SDK1: variants seen among roughly 807,000 people sequenced by gnomAD.
SDK1 encodes the protein sidekick cell adhesion molecule 1, also known as protein sidekick-1.
SDK1 carries 157 observed loss-of-function variants against 245.5 expected under a neutral mutation model. The observed-to-expected ratio is 0.64, with a 90% CI of 0.56 to 0.73. SDK1 has a LOEUF of 0.73. SDK1 is among the 30% of genes least tolerant of loss of function. The pLI, the probability that SDK1 is intolerant of heterozygous loss-of-function variation, is 0.00. For missense variants in SDK1, 3,583 were observed against 3,002.3 expected (o/e 1.19, Z -4.52); for synonymous variants, 1,647 against 1,278.5 (o/e 1.29, Z -6.15).
At chr7:3,433,132 T>A (rs1328641076) in intron 1 of SDK1, among the ~76,000 whole-genome samples, 1 of 152,206 alleles carries the variant, frequency 6.6e-6, no homozygotes, top group Non-Finnish European at 1.5e-5. Context: ...ACCAGTGGAT[T>A]CTAAGTGTGA....
chr7:4,080,672 C>T (rs528180095), intron 22 of SDK1, among the ~76,000 whole-genome samples: 14 of 152,160 alleles, frequency 9.2e-5, no homozygotes, highest in African/African-American at 3.1e-4. Context: ...AGCAGTAGAG[C>T]CCTACCTCAC....
chr7:4,157,678 A>C (rs1780853806), intron 30 of SDK1, among the ~76,000 whole-genome samples: 1 of 152,160 alleles, frequency 6.6e-6, no homozygotes, highest in Non-Finnish European at 1.5e-5. Flanking sequence ...GGTCTTTTGT[A>C]AAGTGACATG....
At position 3,762,512 on chromosome 7, in the gene SDK1, C is replaced by T. The variant is rs186785814; in HGVS notation, c.714-58938C>T. 3.5e-3 allele frequency among the ~76,000 whole-genome samples: 531 copies of T among 152,334 alleles called. 4 individuals are homozygous for T. Among genetic ancestry groups the T allele is most frequent in the South Asian group, 0.016 (78 of 4,822 alleles). On this transcript the variant is annotated intron_variant, in intron 4 of 44. Transcript: ENST00000404826. Reference sequence around the variant, plus strand: ...TATTTTTAACTTTCACCGATACTTGCTGCAAATGCAATTACTGAGTAAATT... The same window carrying T: ...TATTTTTAACTTTCACCGATACTTGTTGCAAATGCAATTACTGAGTAAATT...
At chr7:3,499,524 G>A (rs868343846) in intron 1 of SDK1, among the ~76,000 whole-genome samples, 1 of 152,132 alleles carries the variant, frequency 6.6e-6, no homozygotes, top group African/African-American at 2.4e-5. Context: ...CATTGTTTCC[G>A]TCTCTCTCAG....
intron 5 of SDK1, among the ~76,000 whole-genome samples, chr7:3,904,466 G>C (rs1166717022): frequency 6.6e-6 from 1 of 152,116 alleles, no homozygotes; most frequent in Non-Finnish European, 1.5e-5. Context: ...GGCTGAGGTG[G>C]GAGGATCGCT....
At position 3,639,014 on chromosome 7, in the gene SDK1, C is replaced by A. The variant is rs1046968638; in HGVS notation, c.469C>A (p.Pro157Thr). The change falls in exon 3 of 45, where the codon CCA becomes ACA. Residue 157 changes from proline (P) to threonine (T), a missense_variant. Transcript: ENST00000404826. Reference sequence around the variant, plus strand: ...TTTGCTATTCAACAGGTACATTATTCCATCTTTGCAGAAGCTCGATGCTGG... The same window carrying A: ...TTTGCTATTCAACAGGTACATTATTACATCTTTGCAGAAGCTCGATGCTGG... ...TYSSEYKYII[P>T]SLQKLDAGFY... is the part of the protein sequence containing the mutation. 3 of 1,596,628 alleles carry A rather than the reference C, an allele frequency of 1.9e-6. No homozygotes were observed. In the African/African-American group the frequency reaches 4.0e-5, roughly 21 times the overall value.
chr7:3,370,787 A>G (rs1003294231), intron 1 of SDK1, among the ~76,000 whole-genome samples: 2 of 152,194 alleles, frequency 1.3e-5, no homozygotes, highest in Non-Finnish European at 2.9e-5. Context: ...ATTCATGTAC[A>G]CAGTGTGCAT....
chr7:4,252,867 T>G (rs1044471204), intron 44 of SDK1, among the ~76,000 whole-genome samples: 4 of 150,956 alleles, frequency 2.6e-5, no homozygotes, highest in Non-Finnish European at 5.9e-5. Flanking sequence ...TGTCACTCAT[T>G]TGTGTCTTTC....
Position 4,158,559 on chromosome 7 carries a change from A to G in SDK1, c.4729+8A>G, listed in dbSNP as rs773339545. On this transcript the variant is annotated splice_region_variant and intron_variant, in intron 31 of 44. Transcript: ENST00000404826. ...TGACCACGCTGCAGGATGGTGAGCA[A>G]CCCGGGGCCCAGACCGCGTTCCTGG... 5 of 1,605,812 alleles carry G rather than the reference A, an allele frequency of 3.1e-6. No homozygotes were observed. The East Asian group carries it at 1.1e-4, about 36-fold the overall frequency.
At chr7:3,467,481 C>G (rs1393363827) in intron 1 of SDK1, among the ~76,000 whole-genome samples, 1 of 151,574 alleles carries the variant, frequency 6.6e-6, no homozygotes, top group Non-Finnish European at 1.5e-5. Context: ...CCCAGTAAAA[C>G]AGGATTTTGA....
intron 31 of SDK1, among the ~76,000 whole-genome samples, chr7:4,159,779 T>C (rs762210087): frequency 2.6e-5 from 4 of 152,228 alleles, no homozygotes; most frequent in African/African-American, 4.8e-5. Flanking sequence ...AAATTAAAGA[T>C]ATACAGTGTA....
At chr7:4,234,607 G>GCC (rs1243621544) in intron 41 of SDK1, among the ~76,000 whole-genome samples, 1 of 152,102 alleles carries the variant, frequency 6.6e-6, no homozygotes, top group Non-Finnish European at 1.5e-5. Flanking sequence ...CCTGGTTGTG[G>GCC]CCCCCCAGCC....
chr7:3,767,505 C>T (rs1218042419), intron 4 of SDK1, among the ~76,000 whole-genome samples: 1 of 151,164 alleles, frequency 6.6e-6, no homozygotes, highest in Non-Finnish European at 1.5e-5. Flanking sequence ...CTTATTTTAA[C>T]ACAAAATGAA....
chr7:4,160,102 A>G (rs778849292), intron 31 of SDK1, among the ~76,000 whole-genome samples: 18 of 152,234 alleles, frequency 1.2e-4, no homozygotes, highest in Non-Finnish European at 2.4e-4. Flanking sequence ...CGGTTAATCT[A>G]CTTAAAGTGG....
rs564903645 is a variant in SDK1 at position 3,581,541 on chromosome 7, G to T, written c.299-37539G>T. On this transcript the variant is annotated intron_variant, in intron 1 of 44. Coordinates refer to ENST00000404826, the MANE Select transcript of SDK1 (RefSeq NM_152744.4). Reference sequence around the variant, plus strand: ...GGGGAAAGGGGAGCACTTACACACCGTTGTGGGGAGGGTAAATTAGTTAAA... The same window carrying T: ...GGGGAAAGGGGAGCACTTACACACCTTTGTGGGGAGGGTAAATTAGTTAAA... 7.9e-5 allele frequency among the ~76,000 whole-genome samples: 12 copies of T among 152,264 alleles called. No individual in the cohort carries two copies. The South Asian group carries it at 2.3e-3, about 29-fold the overall frequency.
intron 1 of SDK1, among the ~76,000 whole-genome samples, chr7:3,594,673 T>G (rs189797601): frequency 6.6e-6 from 1 of 152,220 alleles, no homozygotes; most frequent in African/African-American, 2.4e-5. Flanking sequence ...AATTGTGACT[T>G]TGATTTTAAT....
intron 19 of SDK1, among the ~76,000 whole-genome samples, chr7:4,061,918 T>C (rs1779567966): frequency 7.6e-6 from 1 of 131,320 alleles, no homozygotes; most frequent in South Asian, 2.4e-4. Context: ...CACTCATAGG[T>C]GGGAATTGAA....
intron 5 of SDK1, among the ~76,000 whole-genome samples, chr7:3,856,722 C>T (rs1019315206): frequency 6.7e-6 from 1 of 149,932 alleles, no homozygotes; most frequent in Non-Finnish European, 1.5e-5. Flanking sequence ...ACATGGGAGG[C>T]GGAGATTGCA....
chr7:4,163,936 T>C (rs1051159976), intron 32 of SDK1, among the ~76,000 whole-genome samples: 1 of 152,078 alleles, frequency 6.6e-6, no homozygotes, highest in Non-Finnish European at 1.5e-5. Context: ...GGATGGAGAG[T>C]AGGCGTTTAA....
Sources: gnomAD v4.1 joint callset for allele counts (sites outside exome capture counted in the v4.1 genomes callset) on GRCh38, gnomAD v4.1.1 for gene constraint, MANE v1.5 for transcripts, NCBI Gene and HGNC (gene_info 2026-07-23, HGNC 2026-07-21) for gene names.